CDH13: variants seen among roughly 807,000 people sequenced by gnomAD.
The protein encoded by CDH13 is cadherin-13.
In CDH13, 24 loss-of-function variants were observed where a neutral mutation model predicts 63.8. That is an observed-to-expected ratio of 0.38 (90% confidence interval 0.27 to 0.53). The LOEUF (loss-of-function observed/expected upper bound fraction) is 0.53. Among genes scored for constraint, CDH13 ranks in the 20% least tolerant of loss-of-function variants. CDH13 has a pLI of 0.85. For missense variants in CDH13, 1,049 were observed against 903.1 expected, an observed-to-expected ratio of 1.16 and a Z score of -2.07; for synonymous variants, 503 against 355.3, an observed-to-expected ratio of 1.42 and a Z score of -4.67.
chr16:83,161,629 A>G (rs1262529710), intron 4 of CDH13, among the ~76,000 whole-genome samples: 2 of 151,962 alleles, frequency 1.3e-5, no homozygotes, highest in African/African-American at 4.8e-5. Flanking sequence ...AACCACCAAC[A>G]TTTCCCTCCC....
chr16:83,606,630 G>A (rs9940188), intron 8 of CDH13, among the ~76,000 whole-genome samples: 3,340 of 151,610 alleles, frequency 0.022, 118 homozygotes, highest in African/African-American at 0.077. Flanking sequence ...GGGAGGCTGC[G>A]GTAGGAGGAT....
chr16:82,636,170 G>C (rs570400733), intron 1 of CDH13, among the ~76,000 whole-genome samples: 33 of 152,274 alleles, frequency 2.2e-4, no homozygotes, highest in African/African-American at 7.2e-4. Flanking sequence ...GGAGATGGCA[G>C]GGCCAGAGAG....
chr16:83,296,575 C>T (rs933554324), intron 5 of CDH13, among the ~76,000 whole-genome samples: 29 of 152,100 alleles, frequency 1.9e-4, no homozygotes, highest in African/African-American at 6.5e-4. Context: ...GTAATAAAAG[C>T]ATCTGCATGT....
At chr16:83,123,259 T>C (rs2035666500) in intron 3 of CDH13, among the ~76,000 whole-genome samples, 1 of 151,728 alleles carries the variant, frequency 6.6e-6, no homozygotes, top group Non-Finnish European at 1.5e-5. Flanking sequence ...GATACAAATA[T>C]ATATATATAT....
At chr16:83,134,910 C>G (rs987815734) in intron 4 of CDH13, among the ~76,000 whole-genome samples, 2 of 152,190 alleles carry the variant, frequency 1.3e-5, no homozygotes, top group Non-Finnish European at 2.9e-5. Context: ...ATTTTTAACC[C>G]TGAGTTTATC....
intron 2 of CDH13, among the ~76,000 whole-genome samples, chr16:83,027,145 T>G (rs1915895931): frequency 8.4e-6 from 1 of 119,474 alleles, no homozygotes. Flanking sequence ...CTACCATTAC[T>G]AAATCATCAT....
intron 2 of CDH13, among the ~76,000 whole-genome samples, chr16:82,897,342 C>T (rs992111073): frequency 1.3e-5 from 2 of 152,066 alleles, no homozygotes; most frequent in Admixed American, 1.3e-4. Context: ...CCATGGCCAC[C>T]ACAGAGATGT....
At chr16:83,335,272 G>A (rs764410568) in intron 5 of CDH13, among the ~76,000 whole-genome samples, 3 of 152,072 alleles carry the variant, frequency 2.0e-5, no homozygotes, top group Admixed American at 6.6e-5. Flanking sequence ...ATTCCACTAC[G>A]GTGATCCTTG....
chr16:83,296,191 C>T (rs2089592734), intron 5 of CDH13, among the ~76,000 whole-genome samples: 1 of 152,182 alleles, frequency 6.6e-6, no homozygotes, highest in Non-Finnish European at 1.5e-5. Context: ...ATACACTTTT[C>T]CCACTCTTCT....
chr16:82,890,918 C>T (rs1408473341), intron 2 of CDH13, among the ~76,000 whole-genome samples: 1 of 152,034 alleles, frequency 6.6e-6, no homozygotes, highest in Non-Finnish European at 1.5e-5. Context: ...TCCCAAAGTG[C>T]TGGGATTACA....
chr16:83,016,853 C>T (rs1914853014), intron 2 of CDH13, among the ~76,000 whole-genome samples: 1 of 152,146 alleles, frequency 6.6e-6, no homozygotes, highest in Non-Finnish European at 1.5e-5. Flanking sequence ...ATACTGGCTA[C>T]ACGTCATTTA....
At chr16:83,011,753 C>G (rs1037416903) in intron 2 of CDH13, among the ~76,000 whole-genome samples, 2 of 152,188 alleles carry the variant, frequency 1.3e-5, no homozygotes, top group Non-Finnish European at 2.9e-5. Context: ...TTTTCCAATG[C>G]TCTTCAGCAA....
At chr16:83,682,700 C>T (rs962572401) in intron 10 of CDH13, among the ~76,000 whole-genome samples, 11 of 152,150 alleles carry the variant, frequency 7.2e-5, no homozygotes, top group African/African-American at 2.7e-4. Flanking sequence ...GCTGCTCTGT[C>T]TCTTTTTCTC....
intron 1 of CDH13, among the ~76,000 whole-genome samples, chr16:82,724,201 G>A (rs1240185874): frequency 6.6e-6 from 1 of 152,116 alleles, no homozygotes; most frequent in Non-Finnish European, 1.5e-5. Context: ...TCTCAGACAA[G>A]TCCTTCTAAT....
intron 1 of CDH13, among the ~76,000 whole-genome samples, chr16:82,843,117 C>T (rs1361090884): frequency 6.6e-6 from 1 of 152,166 alleles, no homozygotes; most frequent in Admixed American, 6.5e-5. Context: ...CTAACTCCAC[C>T]CTTAAACTTT....
intron 6 of CDH13, among the ~76,000 whole-genome samples, chr16:83,362,377 C>T (rs773115991): frequency 6.6e-6 from 1 of 152,194 alleles, no homozygotes; most frequent in Non-Finnish European, 1.5e-5. Flanking sequence ...TCTTTCCTGA[C>T]CTATTTCAGC....
At chr16:83,065,712 A>C (rs1393940612) in intron 3 of CDH13, among the ~76,000 whole-genome samples, 4 of 89,494 alleles carry the variant, frequency 4.5e-5, no homozygotes, top group Admixed American at 2.3e-4. Context: ...TCAAAAAAAA[A>C]CAAAAAAACA....
intron 8 of CDH13, among the ~76,000 whole-genome samples, chr16:83,652,469 T>C (rs1487873644): frequency 6.6e-6 from 1 of 152,056 alleles, no homozygotes; most frequent in Non-Finnish European, 1.5e-5. Context: ...CAGGGGTCTG[T>C]GTAGTTTCTC....
intron 2 of CDH13, among the ~76,000 whole-genome samples, chr16:82,940,616 T>C (rs1261604301): frequency 6.6e-6 from 1 of 152,236 alleles, no homozygotes; most frequent in African/African-American, 2.4e-5. Context: ...TCCTGCTTCA[T>C]ACATCTTTCA....
Sources: allele counts gnomAD v4.1 joint callset (sites outside exome capture counted in the v4.1 genomes callset), GRCh38; gene constraint gnomAD v4.1.1; transcripts MANE v1.5; gene names NCBI Gene and HGNC (gene_info 2026-07-23, HGNC 2026-07-21).